Variants in MRGPRE observed in about 807,000 individuals in gnomAD.
MRGPRE encodes the protein mas-related G protein-coupled receptor member E.
For missense variants in MRGPRE, 466 were observed against 433.4 expected (o/e 1.08, Z -0.67); for synonymous variants, 229 against 206.7 (o/e 1.11, Z -0.92).
chr11:3,225,464 G>A lies in MRGPRE; in HGVS notation c.*2397C>T, dbSNP rs140986626. 1.4e-3 allele frequency among the ~76,000 whole-genome samples: 220 copies of A among 152,362 alleles called. 4 individuals are homozygous for A. In the East Asian group the frequency reaches 0.039, roughly 27 times the overall value. ...GAGGCCCCAGGGTCCTGCAGGGTGG[G>A]GTCTAGGGCAGCCAGGGGTCCCTGG... On this transcript the variant is annotated 3_prime_UTR_variant, in exon 2 of 2. Transcript: ENST00000389832.
At position 3,227,903 on chromosome 11, in the gene MRGPRE, G is replaced by C. The variant is rs753547420; in HGVS notation, c.897C>G (p.Val299=). 1.4e-6 allele frequency: 2 copies of C among 1,475,796 alleles called. No homozygotes were observed. Among genetic ancestry groups the C allele is most frequent in the Non-Finnish European group, 9.0e-7 (1 of 1,110,276 alleles). 91.4% of individuals were successfully genotyped at this position (1,475,796 alleles called of 1,614,324 possible). The change falls in exon 2 of 2, where the codon GTC becomes GTG. Residue 299 remains valine (V), a synonymous_variant. Coordinates refer to ENST00000389832, the MANE Select transcript of MRGPRE (RefSeq NM_001039165.4). ...ALGDEAELGA[V]RETSRRGLVD... ...CCAGGCCCCGGCGGGAGGTCTCCCTGACGGCCCCCAGCTCAGCCTCGTCTC... is the reference window on the plus strand; with the variant it reads ...CCAGGCCCCGGCGGGAGGTCTCCCTCACGGCCCCCAGCTCAGCCTCGTCTC...
chr11:3,228,222 C>T lies in MRGPRE; in HGVS notation c.578G>A (p.Cys193Tyr). 1 of 1,555,510 alleles carries T rather than the reference C, an allele frequency of 6.4e-7. No homozygotes were observed. The highest frequency in any genetic ancestry group is 1.2e-5 in the South Asian group (1 of 84,494). ...VLLALLCCTM[C>Y]GASLMLLLRV... The stretch of plus-strand genomic sequence containing the variant: ...CAGCAGCAGCATAAGGCTGGCCCCA[C>T]ACATGGTGCAACACAGCAGAGCCAG... Residue 193 changes from cysteine to tyrosine, a missense_variant, in exon 2 of 2, where the codon TGT (cysteine) becomes TAT (tyrosine). By Grantham distance (194) the Cys-to-Tyr change is radical. Transcript: ENST00000389832.
rs1482827752 is a variant in MRGPRE at position 3,227,788 on chromosome 11, C to T, written c.*73G>A. The T allele has an allele frequency of 2.3e-6, 3 of 1,287,612 alleles. No individual in the cohort carries two copies. The highest frequency in any genetic ancestry group is 3.1e-6 in the Non-Finnish European group (3 of 972,190). 79.8% of individuals were successfully genotyped at this position (1,287,612 alleles called of 1,614,324 possible). A position where few individuals can be genotyped will look rare whatever the true frequency, so the allele number is the denominator to read the frequency against. On this transcript the variant is annotated 3_prime_UTR_variant, in exon 2 of 2. Coordinates refer to ENST00000389832, the MANE Select transcript of MRGPRE (RefSeq NM_001039165.4). ...CTCCAGGTCCGGCTGGCCCCAGCCT[C>T]TGACCCCACCACCTTCCCCAAGTCA...
In MRGPRE at chr11:3,232,358, G is replaced by C. The variant is rs1847841706; in HGVS notation, c.-279C>G. ...TCTCTTCCGCTCAGCTCTCGCCCAG[G>C]TGTGGACAGCAAGAGAAACCCTGAA... On this transcript the variant is annotated 5_prime_UTR_variant, in exon 1 of 2. Transcript: ENST00000389832. The C allele has an allele frequency of 6.6e-6, 1 of 152,344 alleles. No homozygotes were observed. Among genetic ancestry groups the C allele is most frequent in the Non-Finnish European group, 1.5e-5 (1 of 68,128 alleles). 9.4% of individuals were successfully genotyped at this position (152,344 alleles called of 1,614,324 possible). A position where few individuals can be genotyped will look rare whatever the true frequency, so the allele number is the denominator to read the frequency against.
At position 3,227,865 on chromosome 11, in the gene MRGPRE, G is replaced by A. The variant is rs1458881235; in HGVS notation, c.935C>T (p.Ala312Val). Reference protein sequence around the residue: ...TSRRGLVDIAA With the variant: ...TSRRGLVDIAV The stretch of plus-strand genomic sequence containing the variant: ...TGGGGTCGGGGGCCCCAGGGCTCAG[G>A]CTGCTATGTCCACCAGGCCCCGGCG... The change falls in exon 2 of 2, where the codon GCC becomes GTC. Residue 312 changes from alanine to valine, a missense_variant. By Grantham distance (64) the Ala-to-Val change is moderately conservative. Coordinates refer to ENST00000389832, the MANE Select transcript of MRGPRE (RefSeq NM_001039165.4). 1.2e-5 allele frequency: 17 copies of A among 1,444,548 alleles called. No homozygotes were observed. The South Asian group carries it at 1.5e-4, about 13-fold the overall frequency. The allele number at this position is 1,444,548 out of a possible 1,614,324, so 89.5% of individuals were successfully genotyped here.
In MRGPRE at chr11:3,229,549, G is replaced by T. The variant is rs1387922611; in HGVS notation, c.-61-689C>A. ...GCAGGAGGCACCGCCCATGTCTAAT[G>T]AGTGGTGTGACCACAGAGGGACAGC... On this transcript the variant is annotated intron_variant, in intron 1 of 1. Coordinates refer to ENST00000389832, the MANE Select transcript of MRGPRE (RefSeq NM_001039165.4). This position sits in a 1 kb window ranked among gnomAD's most constrained non-coding sequence, Gnocchi z 4.4. Among the ~76,000 whole-genome samples the T allele has an allele frequency of 6.6e-6, 1 of 152,212 alleles. No homozygotes were observed. Among genetic ancestry groups the T allele is most frequent in the African/African-American group, 2.4e-5 (1 of 41,442 alleles).
At position 3,228,433 on chromosome 11, in the gene MRGPRE, G is replaced by A. The variant is rs780877112; in HGVS notation, c.367C>T (p.Leu123=). 5.0e-6 allele frequency: 8 copies of A among 1,610,602 alleles called. No individual in the cohort carries two copies. In the African/African-American group the frequency reaches 6.7e-5, roughly 13 times the overall value. ...TACCAGGCTGGGAAGAGGGCGGCCA[G>A]GCACTGCTCCACGCTGACGGCCGCC... is the stretch of plus-strand genomic sequence containing the variant. ...LLAAVSVEQC[L]AALFPAWYSC... Residue 123 remains leucine (L), a synonymous_variant, in exon 2 of 2, where the codon CTG becomes TTG. Coordinates refer to ENST00000389832, the MANE Select transcript of MRGPRE (RefSeq NM_001039165.4).
rs766546646 is a variant in MRGPRE, at chr11:3,228,448, T to C, written c.352A>G (p.Ser118Gly). 3 of 1,611,896 alleles carry C rather than the reference T, an allele frequency of 1.9e-6. No individual in the cohort carries two copies. The highest frequency in any genetic ancestry group is 2.5e-6 in the Non-Finnish European group (3 of 1,179,748). Residue 118 changes from serine (S) to glycine (G), a missense_variant, in exon 2 of 2, where the codon AGC (serine) becomes GGC (glycine). Physicochemically the swap from Ser to Gly is moderately conservative, Grantham distance 56. Coordinates refer to ENST00000389832, the MANE Select transcript of MRGPRE (RefSeq NM_001039165.4). ...IVGLSLLAAV[S>G]VEQCLAALFP... ...AGGGCGGCCAGGCACTGCTCCACGCTGACGGCCGCCAGGAGACTCAGGCCC... is the reference window on the plus strand; with the variant it reads ...AGGGCGGCCAGGCACTGCTCCACGCCGACGGCCGCCAGGAGACTCAGGCCC...
At position 3,229,145 on chromosome 11, in the gene MRGPRE, T is replaced by C. The variant is rs1847801084; in HGVS notation, c.-61-285A>G. ...CCAGGTGGGGGCAGGGACCAGGAGATGTGGGGAGAGGGTCTGAGACCCATG... is the reference window on the plus strand; with the variant it reads ...CCAGGTGGGGGCAGGGACCAGGAGACGTGGGGAGAGGGTCTGAGACCCATG... On this transcript the variant is annotated intron_variant, in intron 1 of 1. Transcript: ENST00000389832. This position sits in a 1 kb window ranked among gnomAD's most constrained non-coding sequence, Gnocchi z 4.4. 6.7e-6 allele frequency among the ~76,000 whole-genome samples: 1 copy of C among 149,246 alleles called. No homozygotes were observed. Among genetic ancestry groups the C allele is most frequent in the South Asian group, 2.1e-4 (1 of 4,756 alleles).
rs542896026 is a variant in MRGPRE, at chr11:3,231,339, G to A, written c.-62+802C>T. 3.0e-4 allele frequency among the ~76,000 whole-genome samples: 45 copies of A among 152,032 alleles called. No homozygotes were observed. The highest frequency in any genetic ancestry group is 4.9e-4 in the Non-Finnish European group (33 of 67,964). On this transcript the variant is annotated intron_variant, in intron 1 of 1. Coordinates refer to ENST00000389832, the MANE Select transcript of MRGPRE (RefSeq NM_001039165.4). The surrounding 1 kb of genome is among the most constrained non-coding windows in gnomAD (Gnocchi z 4.7). The stretch of plus-strand genomic sequence containing the variant: ...GAAGGAAACAGGGAGGAGAACAGGG[G>A]GACAAGGGGTTAGAGCCACGGAGCT...
rs1456520626 is a variant in MRGPRE, at chr11:3,227,399, G to A, written c.*462C>T. Among the ~76,000 whole-genome samples the A allele has an allele frequency of 6.6e-6, 1 of 152,178 alleles. No homozygotes were observed. Among genetic ancestry groups the A allele is most frequent in the African/African-American group, 2.4e-5 (1 of 41,426 alleles). ...GGGCACAAGGCGAGCTGAGGGGATG[G>A]TTGTGTTATCTGTGGGTGCACCTGC... is the stretch of plus-strand genomic sequence containing the variant. On this transcript the variant is annotated 3_prime_UTR_variant, in exon 2 of 2. Transcript: ENST00000389832.
chr11:3,225,337 CG>C lies in MRGPRE; in HGVS notation c.*2523del, dbSNP rs530923988. Among the ~76,000 whole-genome samples the C allele has an allele frequency of 2.4e-3, 372 of 152,242 alleles. 1 individual carries two copies. The highest frequency in any genetic ancestry group is 4.5e-3 in the Non-Finnish European group (304 of 68,008). The stretch of plus-strand genomic sequence containing the variant: ...GTTCTTGGGAATTCTGTGCTGACCG[CG>C]GCAGCCCCGCAGGGGCCCGGGGTTG... On this transcript the variant is annotated 3_prime_UTR_variant, in exon 2 of 2. Coordinates refer to ENST00000389832, the MANE Select transcript of MRGPRE (RefSeq NM_001039165.4).
At position 3,228,191 on chromosome 11, in the gene MRGPRE, C is replaced by T. The variant is rs775268366; in HGVS notation, c.609G>A (p.Val203=). Residue 203 remains valine (V), a synonymous_variant, in exon 2 of 2, where the codon GTG becomes GTA. Transcript: ENST00000389832. The part of the protein sequence containing the change: ...CGASLMLLLR[V]ERGPQRPPPR... ...GTGGGGGCCGCTGGGGGCCTCGCTCCACCCGCAGCAGCAGCATAAGGCTGG... is the reference window on the plus strand; with the variant it reads ...GTGGGGGCCGCTGGGGGCCTCGCTCTACCCGCAGCAGCAGCATAAGGCTGG... 35 of 1,561,440 alleles carry T rather than the reference C, an allele frequency of 2.2e-5. No homozygotes were observed. The African/African-American group carries it at 3.8e-4, about 17-fold the overall frequency.
chr11:3,228,683 C>T lies in MRGPRE; in HGVS notation c.117G>A (p.Leu39=). Residue 39 remains leucine, a synonymous_variant, in exon 2 of 2, where the codon CTG becomes CTA. Transcript: ENST00000389832. ...GCCAGAGGACTGCCCCATTCCCCAG[C>T]AGCCCACCGAGGCCGAGCCCCTCGG... ...SLTEGLGLGG[L]LGNGAVLWLL... is the part of the protein sequence containing the mutation. The T allele has an allele frequency of 1.2e-6, 2 of 1,614,036 alleles. No individual in the cohort carries two copies. The highest frequency in any genetic ancestry group is 2.2e-5 in the South Asian group (2 of 91,086).
Position 3,228,735 on chromosome 11 carries a change from G to A in MRGPRE, c.65C>T (p.Ala22Val), listed in dbSNP as rs935261051. ...GAGGGACAGGATGATGAGGTTGAAG[G>A]CCACATCCTCCTGGGCGCCGTTGGC... ...GAANGAQEDV[A>V]FNLIILSLTE... The change falls in exon 2 of 2, where the codon GCC becomes GTC. Residue 22 changes from alanine to valine, a missense_variant. Ala to Val is a moderately conservative substitution (Grantham distance 64, BLOSUM62 0). Coordinates refer to ENST00000389832, the MANE Select transcript of MRGPRE (RefSeq NM_001039165.4). 6.2e-7 allele frequency: 1 copy of A among 1,613,652 alleles called. No individual in the cohort carries two copies. The highest frequency in any genetic ancestry group is 8.5e-7 in the Non-Finnish European group (1 of 1,179,874).
rs1271837261 is a variant in MRGPRE at position 3,230,212 on chromosome 11, T to C, written c.-61-1352A>G. ...CCTCTTGGGGTTGGGGGAGAGGGGA[T>C]GGGGCCTTGCCTCTCCCCAGAGACT... is the stretch of plus-strand genomic sequence containing the variant. On this transcript the variant is annotated intron_variant, in intron 1 of 1. Coordinates refer to ENST00000389832, the MANE Select transcript of MRGPRE (RefSeq NM_001039165.4). The surrounding 1 kb of genome is among the most constrained non-coding windows in gnomAD (Gnocchi z 5.5). Among the ~76,000 whole-genome samples, 1 of 148,924 alleles carries C rather than the reference T, an allele frequency of 6.7e-6. No individual in the cohort carries two copies.
rs1465398435 is a variant in MRGPRE at position 3,228,305 on chromosome 11, G to T, written c.495C>A (p.Phe165Leu). 1 of 1,555,436 alleles carries T rather than the reference G, an allele frequency of 6.4e-7. No individual in the cohort carries two copies. Among genetic ancestry groups the T allele is most frequent in the South Asian group, 1.2e-5 (1 of 85,046 alleles). The change falls in exon 2 of 2, where the codon TTC becomes TTA. Residue 165 changes from phenylalanine (F) to leucine (L), a missense_variant. By Grantham distance (22) the Phe-to-Leu change is conservative (BLOSUM62 0). Transcript: ENST00000389832. The part of the protein sequence containing the change: ...HLLLSGACTQ[F>L]FGEPSRHLCR... ...ACAAGTGGCGGCTGGGCTCCCCGAA[G>T]AACTGGGTGCAGGCGCCGCTGAGCA...
At position 3,228,609 on chromosome 11, in the gene MRGPRE, T is replaced by A. The variant is rs753489871; in HGVS notation, c.191A>T (p.Asp64Val). The A allele has an allele frequency of 6.2e-7, 1 of 1,613,970 alleles. No individual in the cohort carries two copies. The highest frequency in any genetic ancestry group is 8.5e-7 in the Non-Finnish European group (1 of 1,179,972). Residue 64 changes from aspartate (D) to valine (V), a missense_variant, in exon 2 of 2, where the codon GAC becomes GTC. By Grantham distance (152) the Asp-to-Val change is radical. Transcript: ENST00000389832. ...YRNPFAIYLL[D>V]VACADLIFLG... ...GAAGATGAGATCCGCGCAGGCCACG[T>A]CCAGGAGGTAGATGGCGAAGGGGTT...
In MRGPRE at chr11:3,225,693, C is replaced by T. The variant is rs1847751490; in HGVS notation, c.*2168G>A. On this transcript the variant is annotated 3_prime_UTR_variant, in exon 2 of 2. Coordinates refer to ENST00000389832, the MANE Select transcript of MRGPRE (RefSeq NM_001039165.4). ...GCACATCTGGGGCCAAGGGGATACC[C>T]CACCAGCATCCTGGGCCATCAGGCC... is the stretch of plus-strand genomic sequence containing the variant. 6.6e-6 allele frequency among the ~76,000 whole-genome samples: 1 copy of T among 152,224 alleles called. No individual in the cohort carries two copies. Among genetic ancestry groups the T allele is most frequent in the African/African-American group, 2.4e-5 (1 of 41,448 alleles).
Sources: allele counts gnomAD v4.1 joint callset (sites outside exome capture counted in the v4.1 genomes callset), GRCh38; gene constraint gnomAD v4.1.1; non-coding constraint Gnocchi (gnomAD v3.1); transcripts MANE v1.5; gene names NCBI Gene and HGNC (gene_info 2026-07-23, HGNC 2026-07-21).